The following DDR2 variants were observed in gnomAD, a reference collection of about 807,000 sequenced individuals.
DDR2 encodes the protein discoidin domain-containing receptor 2.
Under a neutral mutation model 94.9 loss-of-function variants are expected in DDR2, and 27 were observed. The ratio of observed to expected loss-of-function variants is 0.28; its 90% confidence interval spans 0.21 to 0.39. DDR2 has a LOEUF of 0.39. Among genes scored for constraint, DDR2 ranks in the 10% least tolerant of loss-of-function variants. The probability of loss-of-function intolerance (pLI) is 1.00; values close to 1 mark genes in which losing one functional copy is unlikely to be tolerated. For missense variants in DDR2, 783 were observed against 1,076.0 expected (o/e 0.73, Z 3.81); for synonymous variants, 382 against 377.2 (o/e 1.01, Z -0.15).
intron 2 of DDR2, among the ~76,000 whole-genome samples, chr1:162,667,300 G>T (rs1366247606): frequency 6.6e-6 from 1 of 152,128 alleles, no homozygotes; most frequent in African/African-American, 2.4e-5. Flanking sequence ...AAGAAGAAAG[G>T]ACAGAAATTG....
intron 2 of DDR2, among the ~76,000 whole-genome samples, chr1:162,660,579 T>C (rs1658243451): frequency 6.6e-6 from 1 of 152,180 alleles, no homozygotes; most frequent in South Asian, 2.1e-4. Context: ...CTAGGGATCA[T>C]GTTAAATGCA....
intron 3 of DDR2, among the ~76,000 whole-genome samples, chr1:162,739,599 G>C (rs1429703769): frequency 1.3e-5 from 2 of 152,188 alleles, no homozygotes; most frequent in African/African-American, 4.8e-5. Flanking sequence ...GAGCCACCAT[G>C]CCTGGCCCAC....
intron 2 of DDR2, among the ~76,000 whole-genome samples, chr1:162,667,052 A>G (rs1319932213): frequency 1.3e-5 from 2 of 151,692 alleles, no homozygotes; most frequent in Non-Finnish European, 2.9e-5. Flanking sequence ...CTATCTATCT[A>G]TCTATCTATC....
intron 3 of DDR2, among the ~76,000 whole-genome samples, chr1:162,724,995 G>C (rs572868763): frequency 6.6e-6 from 1 of 152,192 alleles, no homozygotes; most frequent in Non-Finnish European, 1.5e-5. Flanking sequence ...GCCTTTCTCT[G>C]GGTAAAACAG....
chr1:162,666,060 A>T (rs1339343130), intron 2 of DDR2, among the ~76,000 whole-genome samples: 2 of 152,154 alleles, frequency 1.3e-5, no homozygotes, highest in Non-Finnish European at 2.9e-5. Context: ...TGAAGGAAGG[A>T]GGTTGAGAAA....
chr1:162,781,548 G>A lies in DDR2; in HGVS notation c.*1302G>A, dbSNP rs1647907244. 2 of 152,272 alleles carry A rather than the reference G, an allele frequency of 1.3e-5. No individual in the cohort carries two copies. The highest frequency in any genetic ancestry group is 2.9e-5 in the Non-Finnish European group (2 of 68,098). The allele number at this position is 152,272 out of a possible 1,614,324, so 9.4% of individuals were successfully genotyped here. A position where few individuals can be genotyped will look rare whatever the true frequency, so the allele number is the denominator to read the frequency against. ...AAACACAAAGTGGATGGTGGTATGA[G>A]ACAATGTTTAATGTCCTTCTAACTC... On this transcript the variant is annotated 3_prime_UTR_variant, in exon 18 of 18. Coordinates refer to ENST00000367921, the MANE Select transcript of DDR2 (RefSeq NM_006182.4).
intron 1 of DDR2, among the ~76,000 whole-genome samples, chr1:162,642,001 A>G (rs1367348557): frequency 6.6e-6 from 1 of 152,172 alleles, no homozygotes; most frequent in Non-Finnish European, 1.5e-5. Flanking sequence ...CCCAGGCTAG[A>G]GTGCAGTGGC....
intron 3 of DDR2, among the ~76,000 whole-genome samples, chr1:162,739,550 G>T (rs1031174388): frequency 1.3e-5 from 2 of 151,972 alleles, no homozygotes; most frequent in African/African-American, 2.4e-5. Context: ...CAAGTGATCC[G>T]CCCACCTGGG....
chr1:162,709,682 G>T (rs544352838), intron 2 of DDR2, among the ~76,000 whole-genome samples: 1 of 152,188 alleles, frequency 6.6e-6, no homozygotes, highest in Non-Finnish European at 1.5e-5. Context: ...TGCTTCCAAG[G>T]GCTGCGGAGC....
At chr1:162,741,481 A>T in intron 3 of DDR2, 3 of 553,934 alleles carry the variant, frequency 5.4e-6, no homozygotes, top group Non-Finnish European at 6.9e-6. Context: ...TGAGAGTAAT[A>T]GTGTGTACTC....
intron 9 of DDR2, among the ~76,000 whole-genome samples, chr1:162,763,336 C>CTTTTTTTTTTTTTTTTTT (rs56323242): frequency 1.8e-5 from 1 of 56,500 alleles, no homozygotes; most frequent in African/African-American, 7.5e-5. Flanking sequence ...CCACGCCCGG[C>CTTTTTTTTTTTTTTTTTT]TTTTTTTTTT....
chr1:162,703,740 A>T (rs1008546706), intron 2 of DDR2, among the ~76,000 whole-genome samples: 5 of 152,214 alleles, frequency 3.3e-5, no homozygotes, highest in Non-Finnish European at 7.4e-5. Flanking sequence ...CTGAAGTCAC[A>T]TAAGCTCCCC....
At chr1:162,681,090 C>T (rs1316637017) in intron 2 of DDR2, among the ~76,000 whole-genome samples, 1 of 152,178 alleles carries the variant, frequency 6.6e-6, no homozygotes, top group Non-Finnish European at 1.5e-5. Flanking sequence ...GGCTCTGCTT[C>T]CCCTTTTGCT....
chr1:162,755,015 A>T, intron 5 of DDR2, 141 bp from the exon 6 acceptor site: 1 of 1,445,158 alleles, frequency 6.9e-7, no homozygotes, highest in Non-Finnish European at 9.6e-7. Flanking sequence ...GGGAAGGAAT[A>T]TCAAGGCTGT....
chr1:162,763,836 T>C (rs1057295692), intron 9 of DDR2, among the ~76,000 whole-genome samples: 1 of 152,228 alleles, frequency 6.6e-6, no homozygotes, highest in South Asian at 2.1e-4. Flanking sequence ...ATAAGGTTTT[T>C]ATTTAAAGTT....
rs149452202 is a variant in DDR2 at position 162,780,357 on chromosome 1, A to G, written c.*111A>G. 135 of 1,526,174 alleles carry G rather than the reference A, an allele frequency of 8.8e-5. 1 individual carries two copies. In the African/African-American group the frequency reaches 1.8e-3, roughly 20 times the overall value. The allele number at this position is 1,526,174 out of a possible 1,614,324, so 94.5% of individuals were successfully genotyped here. Reference sequence around the variant, plus strand: ...GACATTTAATGAAACTGAGAGACAGAGGCTTGTTTGCTTTGCCCTCTTTTC... The same window carrying G: ...GACATTTAATGAAACTGAGAGACAGGGGCTTGTTTGCTTTGCCCTCTTTTC... On this transcript the variant is annotated 3_prime_UTR_variant, in exon 18 of 18. Coordinates refer to ENST00000367921, the MANE Select transcript of DDR2 (RefSeq NM_006182.4).
intron 3 of DDR2, among the ~76,000 whole-genome samples, chr1:162,747,182 G>A (rs1662916189): frequency 6.6e-6 from 1 of 152,204 alleles, no homozygotes; most frequent in African/African-American, 2.4e-5. Context: ...CAAGATGACA[G>A]AAGTAGGCTT....
intron 1 of DDR2, among the ~76,000 whole-genome samples, chr1:162,638,015 T>G (rs1473810247): frequency 6.6e-6 from 1 of 152,140 alleles, no homozygotes; most frequent in Non-Finnish European, 1.5e-5. Flanking sequence ...GACTGTACTT[T>G]TTTTTAATTT....
intron 15 of DDR2, 48 bp from the exon 16 acceptor site, chr1:162,776,088 C>A (rs1216580674): frequency 6.6e-7 from 1 of 1,522,752 alleles, no homozygotes; most frequent in Non-Finnish European, 9.1e-7. Context: ...CCTTTCACAT[C>A]TTCCTGTTTC....
Sources: gnomAD v4.1 joint callset for allele counts (sites outside exome capture counted in the v4.1 genomes callset) on GRCh38, gnomAD v4.1.1 for gene constraint, MANE v1.5 for transcripts, NCBI Gene and HGNC (gene_info 2026-07-23, HGNC 2026-07-21) for gene names.